FXR1: variants seen among roughly 807,000 people sequenced by gnomAD.
FXR1 encodes the protein FMR1 autosomal homolog 1.
FXR1 carries 15 observed loss-of-function variants against 84.0 expected under a neutral mutation model. The ratio of observed to expected loss-of-function variants is 0.18; its 90% confidence interval spans 0.12 to 0.27. The LOEUF is 0.27. Ranked by LOEUF, FXR1 falls within the 10% of genes least tolerant of loss-of-function variation. FXR1 has a pLI of 1.00. For missense variants in FXR1, 480 were observed against 774.4 expected, an observed-to-expected ratio of 0.62 and a Z score of 4.51; for synonymous variants, 245 against 250.7, an observed-to-expected ratio of 0.98 and a Z score of 0.21.
chr3:180,933,178 C>A, intron 1 of FXR1, 156 bp from the exon 2 acceptor site: 1 of 582,066 alleles, frequency 1.7e-6, no homozygotes, highest in Non-Finnish European at 3.0e-6. Flanking sequence ...GATCATGTGT[C>A]TCATAAATAG....
intron 9 of FXR1, 173 bp downstream of exon 9, chr3:180,954,013 T>TTATTG (rs1301176578): frequency 1.8e-6 from 1 of 546,906 alleles, no homozygotes; most frequent in Non-Finnish European, 3.2e-6. Context: ...GTGTAACTTG[T>TTATTG]TATTGTCATA....
In FXR1 at chr3:180,976,827, T is replaced by G. The variant is rs1323724798; in HGVS notation, c.*535T>G. 1 of 152,654 alleles carries G rather than the reference T, an allele frequency of 6.6e-6. No individual in the cohort carries two copies. The highest frequency in any genetic ancestry group is 2.1e-4 in the South Asian group (1 of 4,836). The allele number at this position is 152,654 out of a possible 1,614,324, so 9.5% of individuals were successfully genotyped here. A position where few individuals can be genotyped will look rare whatever the true frequency, so the allele number is the denominator to read the frequency against. ...AAATCTGCAGACCACTGGAATACAT[T>G]TGTTAAACTCTCATCTGCAGGGACA... On this transcript the variant is annotated 3_prime_UTR_variant, in exon 17 of 17. Coordinates refer to ENST00000357559, the MANE Select transcript of FXR1 (RefSeq NM_005087.4).
At chr3:180,968,011 T>C in intron 13 of FXR1, 40 bp from the exon 14 acceptor site, 1 of 1,301,850 alleles carries the variant, frequency 7.7e-7, no homozygotes, top group Non-Finnish European at 1.1e-6. Context: ...AAAGGCTTTT[T>C]ATAGAAATCT....
intron 3 of FXR1, among the ~76,000 whole-genome samples, chr3:180,938,592 A>T (rs1182555247): frequency 6.6e-6 from 1 of 152,160 alleles, no homozygotes; most frequent in East Asian, 1.9e-4. Context: ...CCTGTTGCTC[A>T]GGCTGGAGTG....
At chr3:180,915,518 T>G (rs1717783490) in intron 1 of FXR1, 1 of 1,487,366 alleles carries the variant, frequency 6.7e-7, no homozygotes, top group Non-Finnish European at 9.1e-7. Flanking sequence ...AGATAATACA[T>G]GGTCACTGAG....
At chr3:180,926,506 A>ATATATATTTT (rs72192827) in intron 1 of FXR1, among the ~76,000 whole-genome samples, 21 of 124,370 alleles carry the variant, frequency 1.7e-4, no homozygotes, top group South Asian at 2.4e-4. Context: ...ATATATATAT[A>ATATATATTTT]TTTTTTTTTC....
At chr3:180,924,565 G>A (rs570504992) in intron 1 of FXR1, among the ~76,000 whole-genome samples, 1 of 152,280 alleles carries the variant, frequency 6.6e-6, no homozygotes, top group Non-Finnish European at 1.5e-5. Context: ...ACTATGGGTG[G>A]AGATGTCTGA....
chr3:180,928,588 TATTA>T (rs1370037531), intron 1 of FXR1, among the ~76,000 whole-genome samples: 1 of 151,522 alleles, frequency 6.6e-6, no homozygotes, highest in Admixed American at 6.6e-5. Context: ...TATTTATATT[TATTA>T]GAGCTTCAGA....
rs542547838 is a variant in FXR1 at position 180,975,905 on chromosome 3, G to T, written c.1696-217G>T. ...TAGTTTAGATGTTTTCTGTGGTTTG[G>T]GCACTGCTAGGTACTAGAGATACAA... On this transcript the variant is annotated intron_variant, in intron 16 of 16. Coordinates refer to ENST00000357559, the MANE Select transcript of FXR1 (RefSeq NM_005087.4). Among the ~76,000 whole-genome samples, 4 of 152,204 alleles carry T rather than the reference G, an allele frequency of 2.6e-5. No individual in the cohort carries two copies. The East Asian group carries it at 5.8e-4, about 22-fold the overall frequency.
At chr3:180,975,878 ATTAGT>A (rs1333665840) in intron 16 of FXR1, among the ~76,000 whole-genome samples, 4 of 152,170 alleles carry the variant, frequency 2.6e-5, no homozygotes, top group Non-Finnish European at 5.9e-5. Flanking sequence ...TACAGTTTTC[ATTAGT>A]TTAGATGTTT....
Position 180,957,935 on chromosome 3 carries a change from A to G in FXR1, c.990+7A>G. On this transcript the variant is annotated splice_region_variant and intron_variant, in intron 10 of 16. Transcript: ENST00000357559. ...TAAATTACCCAGAGAAGACGTAAGT[A>G]TTTAAAATGTAATCTGCCTCTTTAA... The G allele has an allele frequency of 3.2e-6, 4 of 1,258,668 alleles. No homozygotes were observed. Among genetic ancestry groups the G allele is most frequent in the Non-Finnish European group, 4.5e-6 (4 of 879,468 alleles). The allele number at this position is 1,258,668 out of a possible 1,614,324, so 78.0% of individuals were successfully genotyped here. A position where few individuals can be genotyped will look rare whatever the true frequency, so the allele number is the denominator to read the frequency against.
At chr3:180,955,699 A>G (rs1466515866) in intron 9 of FXR1, among the ~76,000 whole-genome samples, 2 of 152,204 alleles carry the variant, frequency 1.3e-5, no homozygotes, top group Non-Finnish European at 2.9e-5. Flanking sequence ...GTGAAAGGGA[A>G]CCAGGTTTCT....
At chr3:180,928,676 C>G (rs572448772) in intron 1 of FXR1, among the ~76,000 whole-genome samples, 2 of 152,042 alleles carry the variant, frequency 1.3e-5, no homozygotes, top group East Asian at 3.9e-4. Flanking sequence ...TTGGTTGTTG[C>G]TGTAAGTAGA....
chr3:180,948,034 A>G, intron 4 of FXR1, 98 bp downstream of exon 4: 6 of 714,236 alleles, frequency 8.4e-6, no homozygotes, highest in South Asian at 5.6e-5. Context: ...TTTTATTTCT[A>G]AAAGCCTACC....
chr3:180,966,428 C>T (rs1712839469), intron 13 of FXR1, among the ~76,000 whole-genome samples: 1 of 152,174 alleles, frequency 6.6e-6, no homozygotes, highest in South Asian at 2.1e-4. Flanking sequence ...TTATTCCCTG[C>T]ACCTTAATAC....
chr3:180,948,172 A>G, intron 4 of FXR1, 175 bp from the exon 5 acceptor site: 1 of 623,244 alleles, frequency 1.6e-6, no homozygotes, highest in Admixed American at 3.0e-5. Context: ...TCATGCTTGT[A>G]AGAACCTATA....
chr3:180,942,158 C>T (rs930261297), intron 3 of FXR1, among the ~76,000 whole-genome samples: 93 of 151,996 alleles, frequency 6.1e-4, no homozygotes, highest in African/African-American at 2.1e-3. Flanking sequence ...GCGGGCAGAT[C>T]ATGAGGTCAG....
rs149774983 is a variant in FXR1 at position 180,975,519 on chromosome 3, A to G, written c.1695+115A>G. On this transcript the variant is annotated intron_variant, in intron 16 of 16. Coordinates refer to ENST00000357559, the MANE Select transcript of FXR1 (RefSeq NM_005087.4). ...CTTGTTTCCACAAATAGACAATACT[A>G]TTTTAGTTAAAGACTCTTGAATATG... The G allele has an allele frequency of 2.7e-5, 13 of 486,074 alleles. No homozygotes were observed. In the East Asian group the frequency reaches 2.7e-4, roughly 10 times the overall value. 30.1% of individuals were successfully genotyped at this position (486,074 alleles called of 1,614,324 possible).
rs549936585 is a variant in FXR1 at position 180,974,064 on chromosome 3, G to C, written c.1604-1249G>C. Reference sequence around the variant, plus strand: ...TATATATTGTACTTTTACATATCAGGGATTTTCTGAAACAGTTTGCAATAG... The same window carrying C: ...TATATATTGTACTTTTACATATCAGCGATTTTCTGAAACAGTTTGCAATAG... On this transcript the variant is annotated intron_variant, in intron 15 of 16. Transcript: ENST00000357559. 5.1e-4 allele frequency among the ~76,000 whole-genome samples: 78 copies of C among 151,914 alleles called. 1 individual carries two copies. In the South Asian group the frequency reaches 0.015, roughly 29 times the overall value.
Sources: allele counts gnomAD v4.1 joint callset (sites outside exome capture counted in the v4.1 genomes callset), GRCh38; gene constraint gnomAD v4.1.1; transcripts MANE v1.5; gene names NCBI Gene and HGNC (gene_info 2026-07-23, HGNC 2026-07-21).